The following EBLN1 variants were observed in gnomAD, a reference collection of about 807,000 sequenced individuals.
The protein encoded by EBLN1 is endogenous Bornavirus-like nucleoprotein 1.
Under a neutral mutation model 0.8 loss-of-function variants are expected in EBLN1, and 1 was observed. The ratio of observed to expected loss-of-function variants is 1.32; its 90% CI spans 0.47 to 6.26. The LOEUF (loss-of-function observed/expected upper bound fraction) is 6.26, where lower values mean the gene tolerates loss of function less well. Ranked by LOEUF, EBLN1 falls within the 30% of genes most tolerant of loss-of-function variation. The pLI is 0.15. For synonymous variants in EBLN1, 158 were observed against 158.5 expected (o/e 1.00, Z 0.02); for missense variants, 396 against 447.9 (o/e 0.88, Z 1.05).
At chr10:22,212,202 G>C (rs986673115) in intron 2 of EBLN1, among the ~76,000 whole-genome samples, 2 of 152,194 alleles carry the variant, frequency 1.3e-5, no homozygotes, top group Non-Finnish European at 2.9e-5. Context: ...TCCAAAATAT[G>C]TATCAACTAC....
In EBLN1 at chr10:22,209,422, T is replaced by C; in HGVS notation, c.562A>G (p.Asn188Asp). The change falls in exon 3 of 3, where the codon AAT (asparagine) becomes GAT (aspartate). Residue 188 changes from asparagine (N) to aspartate (D), a missense_variant. Coordinates refer to ENST00000422359, the MANE Select transcript of EBLN1 (RefSeq NM_001394757.1). ...SESADLLISY[N>D]AGPAIDWINS... is the part of the protein sequence containing the mutation. The stretch of plus-strand genomic sequence containing the variant: ...ATCCAATCTATAGCTGGCCCTGCAT[T>C]ATAGCTAATTAATAAATCAGCACTT... 1 of 1,601,840 alleles carries C rather than the reference T, an allele frequency of 6.2e-7. No homozygotes were observed. The highest frequency in any genetic ancestry group is 8.5e-7 in the Non-Finnish European group (1 of 1,179,826).
At chr10:22,212,745 T>C (rs1331705615) in intron 2 of EBLN1, among the ~76,000 whole-genome samples, 97 bp downstream of exon 2, 1 of 151,400 alleles carries the variant, frequency 6.6e-6, no homozygotes, top group Admixed American at 6.6e-5. Context: ...AGTCCAGGAG[T>C]TCGAGACCAG....
chr10:22,208,709 C>T lies in EBLN1; in HGVS notation c.*174G>A. 1.4e-6 allele frequency: 1 copy of T among 709,170 alleles called. No individual in the cohort carries two copies. The highest frequency in any genetic ancestry group is 2.1e-6 in the Non-Finnish European group (1 of 485,090). 43.9% of individuals were successfully genotyped at this position (709,170 alleles called of 1,614,324 possible). Reference sequence around the variant, plus strand: ...TTTGGAGATCACATCTTTCAGTGGCCAGAGAATATTGGATGGACTCTTTTA... The same window carrying T: ...TTTGGAGATCACATCTTTCAGTGGCTAGAGAATATTGGATGGACTCTTTTA... On this transcript the variant is annotated 3_prime_UTR_variant, in exon 3 of 3. Coordinates refer to ENST00000422359, the MANE Select transcript of EBLN1 (RefSeq NM_001394757.1).
chr10:22,211,977 CA>C (rs1301126731), intron 2 of EBLN1, among the ~76,000 whole-genome samples: 5 of 152,190 alleles, frequency 3.3e-5, no homozygotes, highest in Non-Finnish European at 5.9e-5. Flanking sequence ...ACTTAACTAG[CA>C]GTTATAATCA....
In EBLN1 at chr10:22,208,966, C is replaced by T. The variant is rs1485273918; in HGVS notation, c.1018G>A (p.Ala340Thr). The T allele has an allele frequency of 6.5e-7, 1 of 1,535,630 alleles. No individual in the cohort carries two copies. Among genetic ancestry groups the T allele is most frequent in the Non-Finnish European group, 8.7e-7 (1 of 1,146,894 alleles). Reference protein sequence around the residue: ...ITFPVLQMASAQKISRGSDMD... With the variant: ...ITFPVLQMASTQKISRGSDMD... Reference sequence around the variant, plus strand: ...TCACTTCCTCTGGAGATTTTCTGAGCAGATGCCATTTGAAGTACAGGGAAT... The same window carrying T: ...TCACTTCCTCTGGAGATTTTCTGAGTAGATGCCATTTGAAGTACAGGGAAT... The change falls in exon 3 of 3, where the codon GCT becomes ACT. Residue 340 changes from alanine (A) to threonine (T), a missense_variant. Physicochemically the swap from Ala to Thr is moderately conservative, Grantham distance 58 (BLOSUM62 0). Coordinates refer to ENST00000422359, the MANE Select transcript of EBLN1 (RefSeq NM_001394757.1).
chr10:22,214,162 A>G (rs1834774096), intron 1 of EBLN1, among the ~76,000 whole-genome samples: 1 of 152,214 alleles, frequency 6.6e-6, no homozygotes, highest in African/African-American at 2.4e-5. Flanking sequence ...GTCTTATACC[A>G]TCCACCCAAA....
Position 22,210,011 on chromosome 10 carries a change from C to A in EBLN1, c.-28G>T. 1.1e-5 allele frequency: 15 copies of A among 1,388,506 alleles called. No individual in the cohort carries two copies. Among genetic ancestry groups the A allele is most frequent in the Non-Finnish European group, 1.4e-5 (15 of 1,074,444 alleles). The allele number at this position is 1,388,506 out of a possible 1,614,324, so 86.0% of individuals were successfully genotyped here. A position where few individuals can be genotyped will look rare whatever the true frequency, so the allele number is the denominator to read the frequency against. ...TGGGTGATTGTTTCTGTGATTTTCA[C>A]ACAATTTTGTACTGTACTAAAAAAA... is the stretch of plus-strand genomic sequence containing the variant. On this transcript the variant is annotated 5_prime_UTR_variant, in exon 3 of 3. Coordinates refer to ENST00000422359, the MANE Select transcript of EBLN1 (RefSeq NM_001394757.1).
intron 1 of EBLN1, among the ~76,000 whole-genome samples, 133 bp from the exon 2 acceptor site, chr10:22,213,098 G>A (rs756889841): frequency 3.9e-5 from 6 of 152,080 alleles, no homozygotes; most frequent in East Asian, 1.9e-4. Context: ...AGCATGAAAC[G>A]GTGAGTAGCA....
In EBLN1 at chr10:22,209,000, T is replaced by C. The variant is rs1194841313; in HGVS notation, c.984A>G (p.Ser328=). 4 of 1,535,806 alleles carry C rather than the reference T, an allele frequency of 2.6e-6. No individual in the cohort carries two copies. Among genetic ancestry groups the C allele is most frequent in the Non-Finnish European group, 3.5e-6 (4 of 1,146,914 alleles). ...GFEALDIIPG[S]TITFPVLQMA... ...TTTGAAGTACAGGGAATGTAATAGT[T>C]GATCCTGGTATAATGTCAAGGGCTT... is the stretch of plus-strand genomic sequence containing the variant. Residue 328 remains serine, a synonymous_variant, in exon 3 of 3, where the codon TCA becomes TCG. Coordinates refer to ENST00000422359, the MANE Select transcript of EBLN1 (RefSeq NM_001394757.1).
intron 1 of EBLN1, among the ~76,000 whole-genome samples, 113 bp from the exon 2 acceptor site, chr10:22,213,078 T>C (rs1038114013): frequency 2.6e-5 from 4 of 152,200 alleles, no homozygotes; most frequent in Admixed American, 2.6e-4. Context: ...CAAAATTATG[T>C]TGCATCTGAA....
intron 2 of EBLN1, among the ~76,000 whole-genome samples, chr10:22,211,086 A>G (rs1030955031): frequency 1.3e-5 from 2 of 152,232 alleles, no homozygotes; most frequent in African/African-American, 4.8e-5. Context: ...TATTCCATGC[A>G]AAAGTTCTCC....
rs547332433 is a variant in EBLN1 at position 22,212,880 on chromosome 10, T to C, written c.-83A>G. ...TACTTTGGAGGCTGAGGTAGGAGGA[T>C]TGCTTGACTCCAGGAGCTCAGAGGT... On this transcript the variant is annotated 5_prime_UTR_variant, in exon 2 of 3. Coordinates refer to ENST00000422359, the MANE Select transcript of EBLN1 (RefSeq NM_001394757.1). Among the ~76,000 whole-genome samples the C allele has an allele frequency of 5.5e-4, 83 of 151,180 alleles. No individual in the cohort carries two copies. Among genetic ancestry groups the C allele is most frequent in the Non-Finnish European group, 1.1e-3 (74 of 67,820 alleles).
In EBLN1 at chr10:22,210,132, C is replaced by A. The variant is rs563500309; in HGVS notation, c.-44-105G>T. ...ATCTCATTTACTTCTTAGTAATATT[C>A]AGTTTTTTAGTCTAGTAAAGGAATT... is the stretch of plus-strand genomic sequence containing the variant. On this transcript the variant is annotated intron_variant, in intron 2 of 2. Coordinates refer to ENST00000422359, the MANE Select transcript of EBLN1 (RefSeq NM_001394757.1). 9.3e-6 allele frequency: 10 copies of A among 1,073,098 alleles called. No homozygotes were observed. In the South Asian group the frequency reaches 3.8e-4, roughly 41 times the overall value. 66.5% of individuals were successfully genotyped at this position (1,073,098 alleles called of 1,614,324 possible). A position where few individuals can be genotyped will look rare whatever the true frequency, so the allele number is the denominator to read the frequency against.
chr10:22,212,296 T>A (rs1834761182), intron 2 of EBLN1, among the ~76,000 whole-genome samples: 1 of 152,190 alleles, frequency 6.6e-6, no homozygotes, highest in Non-Finnish European at 1.5e-5. Flanking sequence ...TTCAAAAACA[T>A]TAGAGTAAAA....
Position 22,212,894 on chromosome 10 carries a change from G to T in EBLN1, c.-97C>A, listed in dbSNP as rs1308702395. On this transcript the variant is annotated 5_prime_UTR_variant, in exon 2 of 3. Coordinates refer to ENST00000422359, the MANE Select transcript of EBLN1 (RefSeq NM_001394757.1). The stretch of plus-strand genomic sequence containing the variant: ...AGGTAGGAGGATTGCTTGACTCCAG[G>T]AGCTCAGAGGTGCAGTGAGCTATGA... 1.3e-5 allele frequency among the ~76,000 whole-genome samples: 2 copies of T among 150,822 alleles called. No homozygotes were observed. Among genetic ancestry groups the T allele is most frequent in the Admixed American group, 1.3e-4 (2 of 15,168 alleles).
Position 22,214,114 on chromosome 10 carries a change from G to A in EBLN1, c.-168-1149C>T, listed in dbSNP as rs574488703. Among the ~76,000 whole-genome samples, 128 of 152,030 alleles carry A rather than the reference G, an allele frequency of 8.4e-4. 1 individual carries two copies. Among genetic ancestry groups the A allele is most frequent in the African/African-American group, 3.0e-3 (126 of 41,482 alleles). On this transcript the variant is annotated intron_variant, in intron 1 of 2. Coordinates refer to ENST00000422359, the MANE Select transcript of EBLN1 (RefSeq NM_001394757.1). The stretch of plus-strand genomic sequence containing the variant: ...TAAGAAAAATGGTAATGGTACAACT[G>A]GTTAGATAATTGGAAGTAAAAATCC...
chr10:22,217,003 A>G (rs950225865), intron 1 of EBLN1, among the ~76,000 whole-genome samples: 19 of 152,252 alleles, frequency 1.2e-4, no homozygotes, highest in African/African-American at 4.3e-4. Flanking sequence ...TGACTCAGCC[A>G]ATCAGAATCC....
At position 22,209,521 on chromosome 10, in the gene EBLN1, A is replaced by G; in HGVS notation, c.463T>C (p.Cys155Arg). Residue 155 changes from cysteine to arginine, a missense_variant, in exon 3 of 3, where the codon TGC (cysteine) becomes CGC (arginine). By Grantham distance (180) the Cys-to-Arg change is radical (BLOSUM62 -3). Transcript: ENST00000422359. ...CTCTGTACTTGGAGGCTGTTGGTGC[A>G]TATCGGGTCACTCGATCCGGCAGCA... ...GIAAGSSDPI[C>R]TNSLQVQRQF... 2 of 1,580,458 alleles carry G rather than the reference A, an allele frequency of 1.3e-6. No individual in the cohort carries two copies. The highest frequency in any genetic ancestry group is 1.7e-6 in the Non-Finnish European group (2 of 1,171,018).
intron 2 of EBLN1, among the ~76,000 whole-genome samples, chr10:22,212,473 A>G (rs1834762849): frequency 1.3e-5 from 2 of 152,188 alleles, no homozygotes; most frequent in Non-Finnish European, 2.9e-5. Flanking sequence ...ATAAGTCCCT[A>G]GTGAGACTCT....
Sources: allele counts gnomAD v4.1 joint callset (sites outside exome capture counted in the v4.1 genomes callset), GRCh38; gene constraint gnomAD v4.1.1; transcripts MANE v1.5; gene names NCBI Gene and HGNC (gene_info 2026-07-23, HGNC 2026-07-21).